The following CFI variants were observed in gnomAD, a reference collection of about 807,000 sequenced individuals.
CFI encodes C3B/C4B inactivator.
In CFI, 66 loss-of-function variants were observed where a neutral mutation model predicts 78.8. The observed-to-expected ratio is 0.84, with a 90% CI of 0.69 to 1.03. The LOEUF (loss-of-function observed/expected upper bound fraction) is 1.03, where lower values mean the gene tolerates loss of function less well. Among genes scored for constraint, CFI ranks in the 50% least tolerant of loss-of-function variants. CFI has a pLI of 0.00. For missense variants in CFI, 706 were observed against 704.5 expected (o/e 1.00, Z -0.02); for synonymous variants, 250 against 232.6 (o/e 1.07, Z -0.68).
chr4:109,756,921 G>GAAAGAAAGAAAGAAAGAA (rs1726299728), intron 7 of CFI, among the ~76,000 whole-genome samples: 1 of 133,982 alleles, frequency 7.5e-6, no homozygotes, highest in African/African-American at 2.8e-5. Flanking sequence ...AAGAAAGAAA[G>GAAAGAAAGAAAGAAAGAA]AAAGAAAGAA....
downstream of CFI, chr4:109,740,605 T>A (rs1723667861): frequency 4.9e-6 from 2 of 412,092 alleles, no homozygotes; most frequent in African/African-American, 2.0e-5. Flanking sequence ...CTTATGTAAG[T>A]CCAACATTAT....
chr4:109,773,822 A>T (rs985037317), intron 1 of CFI, among the ~76,000 whole-genome samples: 2 of 152,216 alleles, frequency 1.3e-5, no homozygotes, highest in African/African-American at 4.8e-5. Flanking sequence ...GCATCATCCT[A>T]CAAATGCAGA....
Position 109,741,010 on chromosome 4 carries a change from A to G in CFI, c.1635T>C (p.Ser545=), listed in dbSNP as rs2126178100. 6 of 1,614,128 alleles carry G rather than the reference A, an allele frequency of 3.7e-6. No homozygotes were observed. The highest frequency in any genetic ancestry group is 5.1e-6 in the Non-Finnish European group (6 of 1,179,992). ...NNVTYVWGVV[S]WGENCGKPEF... Reference sequence around the variant, plus strand: ...CTGGTTTTCCACAGTTTTCCCCCCAACTCACAACACCCCAGACATAAGTCA... The same window carrying G: ...CTGGTTTTCCACAGTTTTCCCCCCAGCTCACAACACCCCAGACATAAGTCA... Residue 545 remains serine, a synonymous_variant, in exon 13 of 13, where the codon AGT becomes AGC. Coordinates refer to ENST00000394634, the MANE Select transcript of CFI (RefSeq NM_000204.5).
intron 6 of CFI, chr4:109,758,015 A>C (rs1173138900): frequency 3.2e-6 from 4 of 1,237,260 alleles, no homozygotes; most frequent in Non-Finnish European, 4.3e-6. Context: ...GATTTGAATA[A>C]AATATGCACA....
chr4:109,746,161 A>G (rs1319823044), intron 11 of CFI, 61 bp downstream of exon 11: 1 of 1,576,858 alleles, frequency 6.3e-7, no homozygotes, highest in Non-Finnish European at 8.7e-7. Flanking sequence ...GCTCCTATAC[A>G]TTTCTATTCT....
chr4:109,746,650 T>C (rs1724500374), intron 10 of CFI, 148 bp from the exon 11 acceptor site: 1 of 668,202 alleles, frequency 1.5e-6, no homozygotes, highest in Admixed American at 3.0e-5. Flanking sequence ...AGCAATGAGA[T>C]TAAATTTACT....
chr4:109,773,163 G>T (rs375034330), intron 1 of CFI, among the ~76,000 whole-genome samples: 144 of 152,270 alleles, frequency 9.5e-4, no homozygotes, highest in African/African-American at 3.0e-3. Context: ...AGCCTAGAAT[G>T]CAGGGCCAAC....
At chr4:109,757,862 A>G (rs1316332585) in intron 6 of CFI, 79 bp from the exon 7 acceptor site, 9 of 1,288,954 alleles carry the variant, frequency 7.0e-6, no homozygotes, top group African/African-American at 1.5e-5. Flanking sequence ...TACTATACAT[A>G]TATCATGAAA....
intron 1 of CFI, among the ~76,000 whole-genome samples, chr4:109,771,341 G>A (rs1377940595): frequency 6.6e-6 from 1 of 151,854 alleles, no homozygotes; most frequent in Admixed American, 6.6e-5. Flanking sequence ...CAGATTGCCT[G>A]AGGTCAGCAG....
chr4:109,747,788 A>T (rs1219695988), intron 10 of CFI, among the ~76,000 whole-genome samples: 1 of 151,882 alleles, frequency 6.6e-6, no homozygotes, highest in Non-Finnish European at 1.5e-5. Context: ...ACTGTGGAAA[A>T]CTCGGGGGAG....
At chr4:109,733,299 C>A in the CFI span, among the ~76,000 whole-genome samples, 1 of 152,220 alleles carries the variant, frequency 6.6e-6, no homozygotes, top group Non-Finnish European at 1.5e-5. Context: ...AGATGACCCA[C>A]TTCCATCTTT....
chr4:109,764,845 A>C (rs11098045), intron 2 of CFI, among the ~76,000 whole-genome samples, 155 bp from the exon 3 acceptor site: 77 of 152,328 alleles, frequency 5.1e-4, no homozygotes, highest in Non-Finnish European at 1.0e-3. Context: ...TTTTACGAGT[A>C]TTTATTATGT....
In CFI at chr4:109,760,448, C is replaced by G. The variant is rs1017833829; in HGVS notation, c.773-68G>C. 25 of 1,505,540 alleles carry G rather than the reference C, an allele frequency of 1.7e-5. No individual in the cohort carries two copies. In the African/African-American group the frequency reaches 3.4e-4, roughly 21 times the overall value. The allele number at this position is 1,505,540 out of a possible 1,614,324, so 93.3% of individuals were successfully genotyped here. The stretch of plus-strand genomic sequence containing the variant: ...GTTGAATGAGGTACAATATAAAATT[C>G]AATAGTAAAGTTGCTTTTCCTCTTT... On this transcript the variant is annotated intron_variant, in intron 5 of 12. Transcript: ENST00000394634.
intron 1 of CFI, among the ~76,000 whole-genome samples, chr4:109,801,134 T>C (rs1270748411): frequency 6.6e-6 from 1 of 152,248 alleles, no homozygotes; most frequent in Non-Finnish European, 1.5e-5. Flanking sequence ...TTCACCTTAA[T>C]AGATGACACT....
chr4:109,745,283 A>G (rs2126184719), intron 11 of CFI, among the ~76,000 whole-genome samples: 1 of 152,278 alleles, frequency 6.6e-6, no homozygotes, highest in Non-Finnish European at 1.5e-5. Context: ...CCCGGGCTCA[A>G]GTGATCCTCC....
chr4:109,781,758 T>C (rs1341390111), intron 1 of CFI, among the ~76,000 whole-genome samples: 1 of 152,028 alleles, frequency 6.6e-6, no homozygotes. Flanking sequence ...CTAAAATCCT[T>C]AACAAAATAC....
chr4:109,778,611 A>T (rs1464606859), intron 1 of CFI, among the ~76,000 whole-genome samples: 1 of 152,154 alleles, frequency 6.6e-6, no homozygotes, highest in Non-Finnish European at 1.5e-5. Context: ...AAAAGAGGGA[A>T]TCCTCCCTAA....
chr4:109,734,241 A>C, the CFI span, among the ~76,000 whole-genome samples: 1 of 152,190 alleles, frequency 6.6e-6, no homozygotes, highest in African/African-American at 2.4e-5. Flanking sequence ...ACAAAGAAGC[A>C]GAGCAAGGTC....
At chr4:109,796,824 AT>A (rs1311019362) in intron 1 of CFI, among the ~76,000 whole-genome samples, 7 of 152,228 alleles carry the variant, frequency 4.6e-5, no homozygotes. Context: ...CTCATTTACA[AT>A]AGCAGTTAAA....
Sources: gnomAD v4.1 joint callset for allele counts (sites outside exome capture counted in the v4.1 genomes callset) on GRCh38, gnomAD v4.1.1 for gene constraint, MANE v1.5 for transcripts, NCBI Gene and HGNC (gene_info 2026-07-23, HGNC 2026-07-21) for gene names.